Variants in PDE4D observed in about 807,000 individuals in gnomAD.
PDE4D encodes phosphodiesterase 4D.
PDE4D carries 24 observed loss-of-function variants against 87.4 expected under a neutral mutation model. That is an observed-to-expected ratio of 0.27 (90% CI 0.20 to 0.39). The LOEUF is 0.39. Among genes scored for constraint, PDE4D ranks in the 10% least tolerant of loss-of-function variants. The pLI, the probability that PDE4D is intolerant of heterozygous loss-of-function variation, is 1.00. For synonymous variants in PDE4D, 384 were observed against 383.2 expected (o/e 1.00, Z -0.02); for missense variants, 714 against 1,041.0 (o/e 0.69, Z 4.32).
At chr5:59,004,832 C>A (rs1751273383) in intron 6 of PDE4D, among the ~76,000 whole-genome samples, 1 of 152,190 alleles carries the variant, frequency 6.6e-6, no homozygotes, top group African/African-American at 2.4e-5. Context: ...CCACCAAGCA[C>A]CAGGAGTACT....
intron 1 of PDE4D, among the ~76,000 whole-genome samples, chr5:59,658,875 C>T (rs1744797986): frequency 1.3e-5 from 2 of 152,056 alleles, no homozygotes; most frequent in African/African-American, 2.4e-5. Flanking sequence ...AGGTGGCTCA[C>T]ATCTGTAATG....
intron 1 of PDE4D, among the ~76,000 whole-genome samples, chr5:59,250,325 CA>C (rs1312928536): frequency 7.2e-6 from 1 of 139,314 alleles, no homozygotes; most frequent in Non-Finnish European, 1.6e-5. Flanking sequence ...AAAAAAAAAA[CA>C]AAAAAAATTA....
chr5:59,706,354 G>T (rs1469788664), intron 1 of PDE4D, among the ~76,000 whole-genome samples: 1 of 152,098 alleles, frequency 6.6e-6, no homozygotes, highest in South Asian at 2.1e-4. Context: ...GGTTAGATGT[G>T]GGGGCAAATC....
intron 1 of PDE4D, among the ~76,000 whole-genome samples, chr5:60,225,429 G>C (rs763869395): frequency 6.6e-5 from 10 of 150,762 alleles, no homozygotes; most frequent in Non-Finnish European, 1.2e-4. Flanking sequence ...GAGGCAAACA[G>C]AACTACAGGT....
At chr5:59,557,620 T>C (rs2153690264) in intron 1 of PDE4D, among the ~76,000 whole-genome samples, 1 of 152,266 alleles carries the variant, frequency 6.6e-6, no homozygotes, top group South Asian at 2.1e-4. Flanking sequence ...ATCCTATGAG[T>C]TAATATAAGC....
chr5:59,526,684 C>T (rs1360714215), intron 1 of PDE4D, among the ~76,000 whole-genome samples: 1 of 152,120 alleles, frequency 6.6e-6, no homozygotes, highest in East Asian at 1.9e-4. Flanking sequence ...AATGCAGTGG[C>T]GTGATCTCGG....
intron 1 of PDE4D, among the ~76,000 whole-genome samples, chr5:60,407,272 CAGA>C (rs1002152361): frequency 1.3e-5 from 2 of 151,942 alleles, no homozygotes; most frequent in South Asian, 2.1e-4. Flanking sequence ...ACGTTTCTCT[CAGA>C]AGATCATCAA....
intron 11 of PDE4D, among the ~76,000 whole-genome samples, chr5:58,978,074 C>T (rs1744227068): frequency 6.6e-6 from 1 of 152,158 alleles, no homozygotes; most frequent in South Asian, 2.1e-4. Flanking sequence ...CTGCCTCTCT[C>T]CTACTTCTTG....
chr5:59,921,977 T>C (rs1265980645), intron 3 of PDE4D, among the ~76,000 whole-genome samples: 1 of 152,180 alleles, frequency 6.6e-6, no homozygotes, highest in Admixed American at 6.5e-5. Flanking sequence ...GAATGGCCGA[T>C]GCCACCCCTC....
intron 1 of PDE4D, among the ~76,000 whole-genome samples, chr5:60,345,315 G>A (rs1455157715): frequency 6.6e-6 from 1 of 151,972 alleles, no homozygotes; most frequent in Non-Finnish European, 1.5e-5. Context: ...GGAAGGGGGA[G>A]AGGGAAAACA....
intron 1 of PDE4D, among the ~76,000 whole-genome samples, chr5:59,245,362 T>A (rs182488707): frequency 2.0e-5 from 3 of 152,140 alleles, no homozygotes; most frequent in Admixed American, 1.3e-4. Flanking sequence ...AAAGGTTCCC[T>A]AAATAAGCAA....
At chr5:59,685,568 T>C (rs1045932609) in intron 1 of PDE4D, among the ~76,000 whole-genome samples, 2 of 152,210 alleles carry the variant, frequency 1.3e-5, no homozygotes, top group Admixed American at 6.5e-5. Flanking sequence ...AAGATTTGTA[T>C]GTTTACTTCA....
chr5:60,150,644 T>C (rs746894397), intron 2 of PDE4D, among the ~76,000 whole-genome samples: 2 of 152,174 alleles, frequency 1.3e-5, no homozygotes, highest in Non-Finnish European at 2.9e-5. Flanking sequence ...TCTGTCATTA[T>C]AAAACCAGTT....
At chr5:59,085,213 G>A (rs1767450543) in intron 5 of PDE4D, among the ~76,000 whole-genome samples, 1 of 152,094 alleles carries the variant, frequency 6.6e-6, no homozygotes, top group Non-Finnish European at 1.5e-5. Flanking sequence ...GTAAGGAAAT[G>A]CCATTAAAAT....
chr5:59,383,716 C>A (rs975043075), intron 1 of PDE4D, among the ~76,000 whole-genome samples: 25 of 151,996 alleles, frequency 1.6e-4, no homozygotes, highest in African/African-American at 2.2e-4. Context: ...TATGAAAAAA[C>A]CAAATATAAA....
chr5:59,953,164 A>G (rs1246451747), intron 3 of PDE4D, among the ~76,000 whole-genome samples: 1 of 152,158 alleles, frequency 6.6e-6, no homozygotes, highest in Admixed American at 6.5e-5. Flanking sequence ...AATTAAACAT[A>G]AGGCAGTATA....
intron 1 of PDE4D, among the ~76,000 whole-genome samples, chr5:59,614,473 T>C (rs1447545003): frequency 6.6e-6 from 1 of 152,228 alleles, no homozygotes; most frequent in Non-Finnish European, 1.5e-5. Flanking sequence ...ATGAGATATG[T>C]GCAGCATTGC....
intron 1 of PDE4D, among the ~76,000 whole-genome samples, chr5:59,597,330 A>C (rs1273915697): frequency 6.6e-6 from 1 of 152,188 alleles, no homozygotes; most frequent in Non-Finnish European, 1.5e-5. Flanking sequence ...CTTAAATTAA[A>C]ATGCACAGAG....
At chr5:60,018,654 G>GA (rs1018801031) in intron 2 of PDE4D, among the ~76,000 whole-genome samples, 4 of 152,078 alleles carry the variant, frequency 2.6e-5, no homozygotes, top group Non-Finnish European at 5.9e-5. Flanking sequence ...AATTTACCAA[G>GA]AAAATAGAAA....
Sources: gnomAD v4.1 joint callset for allele counts (sites outside exome capture counted in the v4.1 genomes callset) on GRCh38, gnomAD v4.1.1 for gene constraint, MANE v1.5 for transcripts, NCBI Gene and HGNC (gene_info 2026-07-23, HGNC 2026-07-21) for gene names.